Variants in ELOVL2 observed in about 807,000 individuals in gnomAD.
ELOVL2 encodes the protein ELOVL fatty acid elongase 2, also known as very long chain fatty acid elongase 2.
Under a neutral mutation model 37.7 loss-of-function variants are expected in ELOVL2, and 38 were observed. The observed-to-expected ratio is 1.01, with a 90% CI of 0.78 to 1.32. The LOEUF is 1.32. ELOVL2 is among the 40% of genes most tolerant of loss of function. The probability of loss-of-function intolerance (pLI) is 0.00; values close to 1 mark genes in which losing one functional copy is unlikely to be tolerated. For missense variants in ELOVL2, 352 were observed against 363.6 expected, an observed-to-expected ratio of 0.97 and a Z score of 0.26; for synonymous variants, 115 against 122.3, an observed-to-expected ratio of 0.94 and a Z score of 0.40.
At chr6:11,031,997 A>G (rs1479342324) in intron 1 of ELOVL2, among the ~76,000 whole-genome samples, 1 of 152,072 alleles carries the variant, frequency 6.6e-6, no homozygotes, top group Non-Finnish European at 1.5e-5. Flanking sequence ...TCACTAATCT[A>G]GTTGTCTATT....
rs904228539 is a variant in ELOVL2 at position 10,990,337 on chromosome 6, T to G, written c.611A>C (p.Tyr204Ser). ...SMHKYLWWKKYLTQAQLVQFV... is the reference protein window; with the variant it reads ...SMHKYLWWKKSLTQAQLVQFV... Reference sequence around the variant, plus strand: ...ACATACCAGCTGAGCCTGTGTGAGATATTTCTTCCACCAAAGATACTTGTG... The same window carrying G: ...ACATACCAGCTGAGCCTGTGTGAGAGATTTCTTCCACCAAAGATACTTGTG... Residue 204 changes from tyrosine to serine, a missense_variant, in exon 6 of 8, where the codon TAT becomes TCT. Tyr to Ser is a moderately radical substitution (Grantham distance 144, BLOSUM62 -2). Coordinates refer to ENST00000354666, the MANE Select transcript of ELOVL2 (RefSeq NM_017770.4). 2 of 1,612,584 alleles carry G rather than the reference T, an allele frequency of 1.2e-6. No homozygotes were observed. The highest frequency in any genetic ancestry group is 1.1e-5 in the South Asian group (1 of 90,550).
intron 5 of ELOVL2, among the ~76,000 whole-genome samples, chr6:10,994,467 TCA>T (rs1782226997): frequency 1.3e-5 from 1 of 75,192 alleles, no homozygotes; most frequent in Non-Finnish European, 2.5e-5. Flanking sequence ...AAATTCCATC[TCA>T]AAAAAAAAAA....
intron 1 of ELOVL2, among the ~76,000 whole-genome samples, chr6:11,030,477 C>A (rs1447050164): frequency 2.0e-5 from 3 of 151,962 alleles, no homozygotes; most frequent in Non-Finnish European, 2.9e-5. Context: ...ATATTTGCTT[C>A]AAATCTTTTT....
intron 6 of ELOVL2, among the ~76,000 whole-genome samples, 181 bp from the exon 7 acceptor site, chr6:10,990,018 T>C (rs1200232327): frequency 6.6e-6 from 1 of 152,206 alleles, no homozygotes; most frequent in Non-Finnish European, 1.5e-5. Flanking sequence ...GTATGTGAAA[T>C]TGCCCATGAT....
intron 7 of ELOVL2, among the ~76,000 whole-genome samples, chr6:10,986,654 T>C (rs1473413092): frequency 1.3e-5 from 2 of 152,196 alleles, no homozygotes; most frequent in Non-Finnish European, 2.9e-5. Context: ...ATTACATTTA[T>C]TGATTTGCAT....
chr6:11,024,406 TTATAA>T (rs548939397), intron 1 of ELOVL2, among the ~76,000 whole-genome samples: 261 of 152,338 alleles, frequency 1.7e-3, no homozygotes, highest in African/African-American at 5.9e-3. Flanking sequence ...CAATAGTACC[TTATAA>T]TATGAAATGT....
intron 1 of ELOVL2, among the ~76,000 whole-genome samples, chr6:11,036,803 A>C (rs1581883578): frequency 6.6e-6 from 1 of 152,364 alleles, no homozygotes; most frequent in Non-Finnish European, 1.5e-5. Context: ...CAGAGACAAA[A>C]TAGAACATCA....
chr6:10,998,492 A>G (rs1018593633), intron 4 of ELOVL2, among the ~76,000 whole-genome samples: 22 of 152,220 alleles, frequency 1.4e-4, no homozygotes, highest in Admixed American at 1.4e-3. Context: ...AAAAGGTAAC[A>G]ATAAGAGCTT....
chr6:10,990,726 C>T (rs1049379036), intron 5 of ELOVL2, among the ~76,000 whole-genome samples: 4 of 151,478 alleles, frequency 2.6e-5, no homozygotes, highest in Non-Finnish European at 5.9e-5. Context: ...TCTCTTTAAC[C>T]GTCACTACTA....
At chr6:10,996,523 AG>A (rs1410122669) in intron 4 of ELOVL2, among the ~76,000 whole-genome samples, 6 of 152,050 alleles carry the variant, frequency 3.9e-5, no homozygotes, top group African/African-American at 1.5e-4. Flanking sequence ...CAAAAAAATT[AG>A]TTGGGTGTGG....
intron 1 of ELOVL2, among the ~76,000 whole-genome samples, chr6:11,014,954 C>G (rs557646508): frequency 6.6e-6 from 1 of 152,064 alleles, no homozygotes; most frequent in South Asian, 2.1e-4. Context: ...TTTGTAATTG[C>G]TAAAAAGCAG....
chr6:11,018,862 A>C (rs2113536687), intron 1 of ELOVL2, among the ~76,000 whole-genome samples: 1 of 152,308 alleles, frequency 6.6e-6, no homozygotes, highest in East Asian at 1.9e-4. Context: ...TTATTATATA[A>C]CCATTAATTT....
At chr6:11,015,079 A>G (rs1035327483) in intron 1 of ELOVL2, among the ~76,000 whole-genome samples, 1 of 152,210 alleles carries the variant, frequency 6.6e-6, no homozygotes, top group African/African-American at 2.4e-5. Flanking sequence ...ATGTATCTCA[A>G]AATTATTCTG....
chr6:11,037,503 G>C (rs1296084114), intron 1 of ELOVL2, among the ~76,000 whole-genome samples: 7 of 149,614 alleles, frequency 4.7e-5, no homozygotes, highest in African/African-American at 1.7e-4. Context: ...AGCTACTGCT[G>C]TTCTGATTAA....
chr6:11,008,780 T>A (rs1782522738), intron 2 of ELOVL2, among the ~76,000 whole-genome samples: 2 of 152,254 alleles, frequency 1.3e-5, no homozygotes, highest in African/African-American at 2.4e-5. Flanking sequence ...TGTGAAAGGA[T>A]TTTTTCAAAG....
Position 10,983,004 on chromosome 6 carries a change from C to T in ELOVL2, c.*777G>A, listed in dbSNP as rs1026530617. ...ACACTGCTCGTGGTGTGGAGCATGGCATCTGTATAACCTAGGCTGACTGGC... is the reference window on the plus strand; with the variant it reads ...ACACTGCTCGTGGTGTGGAGCATGGTATCTGTATAACCTAGGCTGACTGGC... On this transcript the variant is annotated 3_prime_UTR_variant, in exon 8 of 8. Transcript: ENST00000354666. 16 of 152,290 alleles carry T rather than the reference C, an allele frequency of 1.1e-4. No individual in the cohort carries two copies. Among genetic ancestry groups the T allele is most frequent in the Admixed American group, 2.0e-4 (3 of 15,292 alleles). 9.4% of individuals were successfully genotyped at this position (152,290 alleles called of 1,614,324 possible). A position where few individuals can be genotyped will look rare whatever the true frequency, so the allele number is the denominator to read the frequency against.
At chr6:11,025,221 C>G (rs1248118833) in intron 1 of ELOVL2, among the ~76,000 whole-genome samples, 1 of 152,208 alleles carries the variant, frequency 6.6e-6, no homozygotes, top group Non-Finnish European at 1.5e-5. Context: ...GGTTCCCACT[C>G]TCCATCCACG....
Position 11,000,108 on chromosome 6 carries a change from G to A in ELOVL2, c.312C>T (p.Ser104=), listed in dbSNP as rs1225071624. 6.8e-6 allele frequency: 11 copies of A among 1,614,082 alleles called. No individual in the cohort carries two copies. In the East Asian group the frequency reaches 1.3e-4, roughly 20 times the overall value. The change falls in exon 4 of 8, where the codon AGC becomes AGT. Residue 104 remains serine, a synonymous_variant. Transcript: ENST00000354666. ...TCACCCGGATGTCAGCTTCCCCTGC[G>A]CTGGTAAGATCTTGACACTGTAAGT... ...GYNLQCQDLT[S]AGEADIRVAK... is the part of the protein sequence containing the mutation.
chr6:10,990,202 G>A, intron 6 of ELOVL2, 116 bp downstream of exon 6: 1 of 1,348,362 alleles, frequency 7.4e-7, no homozygotes, highest in Non-Finnish European at 1.0e-6. Flanking sequence ...GGCCAATTTT[G>A]GAAAAAAAAT....
Sources: allele counts gnomAD v4.1 joint callset (sites outside exome capture counted in the v4.1 genomes callset), GRCh38; gene constraint gnomAD v4.1.1; transcripts MANE v1.5; gene names NCBI Gene and HGNC (gene_info 2026-07-23, HGNC 2026-07-21).